FOXJ3: variants seen among roughly 807,000 people sequenced by gnomAD.
FOXJ3 encodes the protein forkhead box J3.
A neutral mutation model predicts 76.1 loss-of-function variants in FOXJ3; 22 were observed. The observed-to-expected ratio is 0.29, with a 90% CI of 0.21 to 0.41. The LOEUF (loss-of-function observed/expected upper bound fraction) is 0.41, where lower values mean the gene tolerates loss of function less well. Ranked by LOEUF, FOXJ3 falls within the 10% of genes least tolerant of loss-of-function variation. The pLI is 1.00. For missense variants in FOXJ3, 613 were observed against 762.1 expected (o/e 0.80, Z 2.30); for synonymous variants, 269 against 261.2 (o/e 1.03, Z -0.29).
chr1:42,188,222 A>C (rs1646475552), intron 11 of FOXJ3, among the ~76,000 whole-genome samples: 1 of 152,224 alleles, frequency 6.6e-6, no homozygotes, highest in African/African-American at 2.4e-5. Context: ...GCAAGGGTAA[A>C]GAATGAAGGA....
intron 3 of FOXJ3, among the ~76,000 whole-genome samples, chr1:42,277,244 G>C (rs1652334248): frequency 6.6e-6 from 1 of 152,044 alleles, no homozygotes; most frequent in East Asian, 1.9e-4. Context: ...AGGAGTTCGA[G>C]ACCAGCATGG....
chr1:42,297,735 C>T (rs77830316), intron 2 of FOXJ3, among the ~76,000 whole-genome samples: 17 of 152,126 alleles, frequency 1.1e-4, no homozygotes, highest in African/African-American at 3.9e-4. Flanking sequence ...TGTGTCCTTG[C>T]CTGACTTTGG....
At chr1:42,189,058 C>T (rs958760250) in intron 10 of FOXJ3, 130 bp from the exon 11 acceptor site, 40 of 630,570 alleles carry the variant, frequency 6.3e-5, no homozygotes, top group Middle Eastern at 3.5e-4. Flanking sequence ...GATTTATCCA[C>T]GCAATGAAGA....
rs917098987 is a variant in FOXJ3, at chr1:42,278,660, T to C, written c.57A>G (p.Glu19=). The change falls in exon 3 of 13, where the codon GAA becomes GAG. Residue 19 remains glutamate (E), a synonymous_variant. Coordinates refer to ENST00000361346, the MANE Select transcript of FOXJ3 (RefSeq NM_014947.5). ...PSVTSLRMTS[E]LESSLTSMDW... ...CCATAGACGTTAGGCTGCTCTCCAG[T>C]TCAGATGTCATCCTGAAGGTAAATA... The C allele has an allele frequency of 6.2e-7, 1 of 1,611,562 alleles. No homozygotes were observed. Among genetic ancestry groups the C allele is most frequent in the African/African-American group, 1.3e-5 (1 of 74,896 alleles).
intron 1 of FOXJ3, among the ~76,000 whole-genome samples, chr1:42,328,059 G>A (rs1655944217): frequency 6.6e-6 from 1 of 152,170 alleles, no homozygotes; most frequent in African/African-American, 2.4e-5. Flanking sequence ...CACTTTGGGG[G>A]ACCAAGGAGG....
intron 2 of FOXJ3, among the ~76,000 whole-genome samples, chr1:42,281,386 A>G (rs947972375): frequency 6.6e-6 from 1 of 151,976 alleles, no homozygotes; most frequent in Non-Finnish European, 1.5e-5. Context: ...GGAAGAACTT[A>G]GCAAGTCTTC....
chr1:42,209,727 G>C (rs148086932), intron 5 of FOXJ3, among the ~76,000 whole-genome samples: 15 of 152,340 alleles, frequency 9.8e-5, no homozygotes, highest in Middle Eastern at 6.8e-3. Flanking sequence ...TCCATTCCCA[G>C]ACTCCAGCAG....
chr1:42,205,288 T>C (rs1646839803), intron 6 of FOXJ3, among the ~76,000 whole-genome samples: 1 of 152,208 alleles, frequency 6.6e-6, no homozygotes, highest in African/African-American at 2.4e-5. Flanking sequence ...AACCATGTAC[T>C]ATTTCTGGCT....
chr1:42,200,501 C>T (rs1223420651), intron 6 of FOXJ3, among the ~76,000 whole-genome samples: 5 of 152,034 alleles, frequency 3.3e-5, no homozygotes, highest in Non-Finnish European at 5.9e-5. Flanking sequence ...CTTTTTGAGA[C>T]GGAGTCTCGC....
intron 2 of FOXJ3, among the ~76,000 whole-genome samples, chr1:42,291,069 G>C (rs1053539582): frequency 6.7e-6 from 1 of 148,188 alleles, no homozygotes; most frequent in Non-Finnish European, 1.5e-5. Context: ...TAGATAGATA[G>C]ATAGATAGAT....
chr1:42,197,671 T>TAA (rs531308196), intron 7 of FOXJ3, among the ~76,000 whole-genome samples: 3 of 144,758 alleles, frequency 2.1e-5, no homozygotes, highest in Admixed American at 2.1e-4. Context: ...TTTTTTTCTT[T>TAA]AAAAAAAAAA....
chr1:42,228,080 T>C (rs570938495), intron 4 of FOXJ3, 114 bp from the exon 5 acceptor site: 20 of 462,974 alleles, frequency 4.3e-5, no homozygotes, highest in Admixed American at 7.7e-5. Context: ...AATGGAAAAA[T>C]AGCACAAGAA....
At chr1:42,249,910 G>A (rs923492044) in intron 4 of FOXJ3, among the ~76,000 whole-genome samples, 4 of 152,138 alleles carry the variant, frequency 2.6e-5, no homozygotes, top group African/African-American at 4.8e-5. Flanking sequence ...CTTCCTTTCC[G>A]AGTTATTATA....
chr1:42,308,363 G>A (rs998962825), intron 2 of FOXJ3, among the ~76,000 whole-genome samples: 1 of 152,196 alleles, frequency 6.6e-6, no homozygotes, highest in Non-Finnish European at 1.5e-5. Context: ...AAGACTCTAT[G>A]GGAAAGTAGA....
intron 5 of FOXJ3, among the ~76,000 whole-genome samples, chr1:42,220,096 AAC>A (rs1433755254): frequency 1.3e-5 from 2 of 152,212 alleles, no homozygotes; most frequent in Non-Finnish European, 2.9e-5. Flanking sequence ...ATACAACAGA[AAC>A]ACAGTAAATA....
chr1:42,317,574 A>G (rs1159899017), intron 1 of FOXJ3, among the ~76,000 whole-genome samples: 6 of 151,756 alleles, frequency 4.0e-5, no homozygotes, highest in Admixed American at 6.6e-5. Flanking sequence ...CAAGTGATAT[A>G]AGAGAGAGAA....
At chr1:42,271,737 C>T (rs1263730747) in intron 3 of FOXJ3, among the ~76,000 whole-genome samples, 1 of 152,108 alleles carries the variant, frequency 6.6e-6, no homozygotes, top group Non-Finnish European at 1.5e-5. Context: ...CAACCTCAAC[C>T]TCCTGGGCTC....
chr1:42,202,491 A>T (rs556866237), intron 6 of FOXJ3, among the ~76,000 whole-genome samples: 1 of 152,322 alleles, frequency 6.6e-6, no homozygotes, highest in African/African-American at 2.4e-5. Flanking sequence ...TGCTGGTGGC[A>T]ATCCGGATCT....
chr1:42,222,253 A>G (rs939395488), intron 5 of FOXJ3, among the ~76,000 whole-genome samples: 4 of 151,726 alleles, frequency 2.6e-5, no homozygotes, highest in Non-Finnish European at 4.4e-5. Context: ...GCCCTATTTC[A>G]GTTCATCCAT....
Sources: gnomAD v4.1 joint callset for allele counts (sites outside exome capture counted in the v4.1 genomes callset) on GRCh38, gnomAD v4.1.1 for gene constraint, MANE v1.5 for transcripts, NCBI Gene and HGNC (gene_info 2026-07-23, HGNC 2026-07-21) for gene names.